SIL1: variants seen among roughly 807,000 people sequenced by gnomAD.
SIL1 encodes SIL1 nucleotide exchange factor, also known as nucleotide exchange factor SIL1.
Under a neutral mutation model 49.1 loss-of-function variants are expected in SIL1, and 40 were observed. The ratio of observed to expected loss-of-function variants is 0.81; its 90% CI spans 0.63 to 1.06. SIL1 has a LOEUF of 1.06. SIL1 is among the 50% of genes least tolerant of loss of function. The pLI is 0.00. For missense variants in SIL1, 500 were observed against 572.6 expected (o/e 0.87, Z 1.29); for synonymous variants, 253 against 250.8 (o/e 1.01, Z -0.08).
At chr5:139,084,297 G>A (rs1490433666) in intron 3 of SIL1, among the ~76,000 whole-genome samples, 1 of 144,922 alleles carries the variant, frequency 6.9e-6, no homozygotes, top group East Asian at 2.0e-4. Flanking sequence ...TATACCCAAA[G>A]GGCTATAAAT....
intron 7 of SIL1, chr5:139,012,535 A>G (rs906542885): frequency 2.0e-5 from 3 of 152,220 alleles, no homozygotes; most frequent in African/African-American, 7.2e-5. Flanking sequence ...CAAAAACAAA[A>G]CAATACCATT....
rs150474424 is a variant in SIL1, at chr5:138,991,984, G to A, written c.767+29187C>T. Among the ~76,000 whole-genome samples, 73 of 152,330 alleles carry A rather than the reference G, an allele frequency of 4.8e-4. No homozygotes were observed. In the East Asian group the frequency reaches 0.013, roughly 28 times the overall value. ...CTCTCTTTCAGGTTTGCTGCCAAAG[G>A]GCAGAAGCCTGTAGGTACTGGACTC... On this transcript the variant is annotated intron_variant, in intron 7 of 9. Transcript: ENST00000394817.
At chr5:139,155,959 A>G (rs909314343) in intron 1 of SIL1, among the ~76,000 whole-genome samples, 7 of 151,976 alleles carry the variant, frequency 4.6e-5, no homozygotes, top group Non-Finnish European at 1.5e-5. Context: ...CAGCCTCCCA[A>G]ATAGCTGGGA....
intron 1 of SIL1, among the ~76,000 whole-genome samples, chr5:139,171,078 G>C (rs1751752666): frequency 1.3e-5 from 2 of 148,500 alleles, no homozygotes; most frequent in Admixed American, 1.3e-4. Context: ...GAGGGAGGTG[G>C]GGGGGTCAGC....
intron 1 of SIL1, chr5:139,137,604 T>C (rs1751000288): frequency 9.0e-6 from 3 of 334,442 alleles, no homozygotes; most frequent in South Asian, 8.3e-5. Context: ...TATGTATGCA[T>C]GTGCAATGTT....
intron 3 of SIL1, among the ~76,000 whole-genome samples, chr5:139,102,601 T>C (rs1469102885): frequency 6.6e-6 from 1 of 151,678 alleles, no homozygotes; most frequent in African/African-American, 2.4e-5. Flanking sequence ...CTACTTCCAA[T>C]ATAATATGCA....
chr5:139,056,691 G>A (rs1365966779), intron 3 of SIL1, among the ~76,000 whole-genome samples: 1 of 150,036 alleles, frequency 6.7e-6, no homozygotes, highest in Non-Finnish European at 1.5e-5. Flanking sequence ...CCGGGAGGGA[G>A]GTGGGGGCGT....
chr5:139,171,263 G>A (rs184467868), intron 1 of SIL1, among the ~76,000 whole-genome samples: 21 of 152,334 alleles, frequency 1.4e-4, no homozygotes, highest in Non-Finnish European at 2.2e-4. Flanking sequence ...TAGAAAGGGG[G>A]GAAAGGTGGG....
In SIL1 at chr5:138,962,062, G is replaced by T. The variant is rs544523156; in HGVS notation, c.768-10178C>A. Among the ~76,000 whole-genome samples, 3 of 149,180 alleles carry T rather than the reference G, an allele frequency of 2.0e-5. No individual in the cohort carries two copies. In the East Asian group the frequency reaches 5.9e-4, roughly 29 times the overall value. On this transcript the variant is annotated intron_variant, in intron 7 of 9. Transcript: ENST00000394817. ...CCTTAACCTCCTGAGAGAGAAAACT[G>T]TCAGAAAAGAGAATTAAGAATTAAA...
chr5:138,950,118 G>C (rs1159649554), intron 9 of SIL1, among the ~76,000 whole-genome samples: 1 of 152,178 alleles, frequency 6.6e-6, no homozygotes, highest in Non-Finnish European at 1.5e-5. Context: ...TAGTGCCCAG[G>C]ATGCCAGGGC....
At chr5:139,070,236 C>G (rs1166575200) in intron 3 of SIL1, among the ~76,000 whole-genome samples, 4 of 151,832 alleles carry the variant, frequency 2.6e-5, no homozygotes, top group Non-Finnish European at 5.9e-5. Context: ...CAAAATGAGA[C>G]AGATCAAATC....
intron 7 of SIL1, among the ~76,000 whole-genome samples, chr5:139,019,309 G>C (rs989192563): frequency 6.6e-6 from 1 of 152,194 alleles, no homozygotes; most frequent in Non-Finnish European, 1.5e-5. Flanking sequence ...TCTCCATGTA[G>C]AAATATCCTT....
In SIL1 at chr5:138,951,221, C is replaced by G. The variant is rs1444420506; in HGVS notation, c.979G>C (p.Val327Leu). Residue 327 changes from valine to leucine, a missense_variant, in exon 9 of 10, where the codon GTG becomes CTG. Transcript: ENST00000394817. ...RTLVQEKGTEVLAVRVVTLLY... is the reference protein window; with the variant it reads ...RTLVQEKGTELLAVRVVTLLY... ...AGTGTGACCACGCGCACGGCGAGCACCTCCGTGCCCTTCTCCTGCACCAGG... is the reference window on the plus strand; with the variant it reads ...AGTGTGACCACGCGCACGGCGAGCAGCTCCGTGCCCTTCTCCTGCACCAGG... 1 of 1,608,038 alleles carries G rather than the reference C, an allele frequency of 6.2e-7. No homozygotes were observed. Among genetic ancestry groups the G allele is most frequent in the Non-Finnish European group, 8.5e-7 (1 of 1,177,234 alleles).
intron 7 of SIL1, among the ~76,000 whole-genome samples, chr5:138,987,252 G>A (rs1767667418): frequency 6.6e-6 from 1 of 151,768 alleles, no homozygotes; most frequent in Non-Finnish European, 1.5e-5. Flanking sequence ...TGGGACTACA[G>A]GCACACACCA....
intron 7 of SIL1, among the ~76,000 whole-genome samples, chr5:139,011,971 T>C (rs1286632729): frequency 6.6e-6 from 1 of 152,218 alleles, no homozygotes; most frequent in African/African-American, 2.4e-5. Flanking sequence ...TAGCTAGCAC[T>C]ATTTTATCTA....
chr5:139,142,646 A>G (rs541209637), intron 1 of SIL1, among the ~76,000 whole-genome samples: 2 of 152,334 alleles, frequency 1.3e-5, no homozygotes, highest in South Asian at 4.1e-4. Context: ...CATCCTCAAC[A>G]TAATAAAAGG....
chr5:139,154,348 T>C (rs889203960), intron 1 of SIL1, among the ~76,000 whole-genome samples: 2 of 152,232 alleles, frequency 1.3e-5, no homozygotes, highest in African/African-American at 4.8e-5. Flanking sequence ...TTCTGTTACA[T>C]TTCCAGGGAC....
chr5:138,966,476 T>C (rs779157199), intron 7 of SIL1, among the ~76,000 whole-genome samples: 10 of 152,070 alleles, frequency 6.6e-5, no homozygotes, highest in Non-Finnish European at 1.2e-4. Context: ...CCCACCAGGC[T>C]TCCTCAGGCC....
intron 1 of SIL1, among the ~76,000 whole-genome samples, chr5:139,135,481 C>T (rs1750955499): frequency 6.6e-6 from 1 of 152,172 alleles, no homozygotes; most frequent in South Asian, 2.1e-4. Flanking sequence ...AGTGGCAGTA[C>T]AGATGTTAGC....
Sources: gnomAD v4.1 joint callset for allele counts (sites outside exome capture counted in the v4.1 genomes callset) on GRCh38, gnomAD v4.1.1 for gene constraint, MANE v1.5 for transcripts, NCBI Gene and HGNC (gene_info 2026-07-23, HGNC 2026-07-21) for gene names.